The following SHPRH variants were observed in gnomAD, a reference collection of about 807,000 sequenced individuals.
The protein encoded by SHPRH is E3 ubiquitin-protein ligase SHPRH.
SHPRH carries 106 observed loss-of-function variants against 202.5 expected under a neutral mutation model. The ratio of observed to expected loss-of-function variants is 0.52; its 90% CI spans 0.45 to 0.62. SHPRH has a LOEUF of 0.62. Among genes scored for constraint, SHPRH ranks in the 20% least tolerant of loss-of-function variants. SHPRH has a pLI of 0.00. For synonymous variants in SHPRH, 729 were observed against 686.0 expected (o/e 1.06, Z -0.98); for missense variants, 1,710 against 2,020.0 (o/e 0.85, Z 2.94).
downstream of SHPRH, chr6:145,883,434 A>G (rs1316156639): frequency 6.6e-6 from 1 of 152,228 alleles, no homozygotes; most frequent in African/African-American, 2.4e-5. Flanking sequence ...TATTTTCTGT[A>G]TGTGATACTA....
At position 145,922,357 on chromosome 6, in the gene SHPRH, A is replaced by T; in HGVS notation, c.3720-9T>A. The T allele has an allele frequency of 1.3e-6, 2 of 1,558,292 alleles. No homozygotes were observed. Among genetic ancestry groups the T allele is most frequent in the Non-Finnish European group, 1.7e-6 (2 of 1,162,668 alleles). On this transcript the variant is annotated splice_polypyrimidine_tract_variant and intron_variant, in intron 19 of 29. Transcript: ENST00000275233. The stretch of plus-strand genomic sequence containing the variant: ...CTTTACAAAAGACACAGCTGAAAAA[A>T]AAGAGATTAACAGAAATATTCACAA...
At chr6:145,918,003 T>C (rs1784102119) in intron 23 of SHPRH, 128 bp downstream of exon 23, 1 of 568,626 alleles carries the variant, frequency 1.8e-6, no homozygotes, top group Admixed American at 3.6e-5. Flanking sequence ...GAGACATAGG[T>C]AGTGTTCTGA....
At position 145,922,745 on chromosome 6, in the gene SHPRH, T is replaced by C; in HGVS notation, c.3637A>G (p.Asn1213Asp). The change falls in exon 19 of 30, where the codon AAC becomes GAC. Residue 1213 changes from asparagine (N) to aspartate (D), a missense_variant. Transcript: ENST00000275233. ...CQKLVREAVK[N>D]LEGPPSRNVI... ...TTACGAGATGGAGGTCCCTCCAGGT[T>C]TTTTACAGCCTCTCTTACTAGCTTC... is the stretch of plus-strand genomic sequence containing the variant. The C allele has an allele frequency of 6.2e-7, 1 of 1,612,184 alleles. No homozygotes were observed. The highest frequency in any genetic ancestry group is 8.5e-7 in the Non-Finnish European group (1 of 1,178,844).
At chr6:145,876,029 A>T (rs190827014) in intron 2 of SHPRH, among the ~76,000 whole-genome samples, 115 of 152,334 alleles carry the variant, frequency 7.5e-4, no homozygotes, top group African/African-American at 2.7e-3. Context: ...ACACCATGAA[A>T]TTCAGCCATT....
intron 1 of SHPRH, among the ~76,000 whole-genome samples, chr6:145,957,186 C>T (rs1788591002): frequency 6.6e-6 from 1 of 151,808 alleles, no homozygotes; most frequent in African/African-American, 2.4e-5. Context: ...GCTTTACCTC[C>T]TAAAATGTAA....
chr6:145,910,488 G>A lies in SHPRH; in HGVS notation c.4475C>T (p.Thr1492Ile). 6.2e-7 allele frequency: 1 copy of A among 1,612,998 alleles called. No homozygotes were observed. The highest frequency in any genetic ancestry group is 8.5e-7 in the Non-Finnish European group (1 of 1,179,516). Residue 1492 changes from threonine (T) to isoleucine (I), a missense_variant, in exon 25 of 30, where the codon ACC becomes ATC. Physicochemically the swap from Thr to Ile is moderately conservative, Grantham distance 89. This residue lies in a region of SHPRH where 306 missense variants were observed against 479.5 expected (regional missense o/e 0.64). Transcript: ENST00000275233. ...CTCCTCCTGGTTTGCTTTCTCTGAG[G>A]TAAAGACATACGAGATTTCTTTGTG... ...TSHKEISYVF[T>I]SEKANQEEDI...
chr6:145,858,457 C>CA, the SHPRH span, among the ~76,000 whole-genome samples: 1 of 151,518 alleles, frequency 6.6e-6, no homozygotes. Flanking sequence ...AAAGCCATAC[C>CA]AAAAAAAGTG....
intron 7 of SHPRH, among the ~76,000 whole-genome samples, 166 bp downstream of exon 7, chr6:145,946,067 T>A (rs1194928439): frequency 1.3e-5 from 2 of 152,124 alleles, no homozygotes; most frequent in African/African-American, 2.4e-5. Flanking sequence ...AATACATCTT[T>A]ACTTTTGTTA....
rs1311487249 is a variant in SHPRH, at chr6:145,922,426, T to C, written c.3720-78A>G. 14 of 1,453,684 alleles carry C rather than the reference T, an allele frequency of 9.6e-6. No homozygotes were observed. In the East Asian group the frequency reaches 3.3e-4, roughly 34 times the overall value. 90.0% of individuals were successfully genotyped at this position (1,453,684 alleles called of 1,614,324 possible). The stretch of plus-strand genomic sequence containing the variant: ...TAATTTTAAGGAGAAGCTTAATATT[T>C]TGACTTCATTTTTCTTTCCACTAGA... On this transcript the variant is annotated intron_variant, in intron 19 of 29. Transcript: ENST00000275233.
At chr6:145,867,619 TATATATATATATAGAG>T (rs1239297906) in intron 2 of SHPRH, among the ~76,000 whole-genome samples, 37 of 70,308 alleles carry the variant, frequency 5.3e-4, no homozygotes, top group African/African-American at 1.9e-3. Flanking sequence ...TATATATATA[TATATATATATATAGAG>T]AGAGAGAGAG....
intron 28 of SHPRH, among the ~76,000 whole-genome samples, chr6:145,889,166 G>T (rs1371892835): frequency 6.6e-6 from 1 of 152,148 alleles, no homozygotes; most frequent in Non-Finnish European, 1.5e-5. Flanking sequence ...ATATACACCT[G>T]AGAGTCATCA....
intron 1 of SHPRH, among the ~76,000 whole-genome samples, chr6:145,957,351 T>C (rs757288128): frequency 2.0e-5 from 3 of 152,064 alleles, no homozygotes; most frequent in African/African-American, 4.8e-5. Flanking sequence ...TGTAAGAATA[T>C]GATAAACTAA....
intron 14 of SHPRH, among the ~76,000 whole-genome samples, chr6:145,927,554 A>G (rs1784992639): frequency 6.6e-6 from 1 of 151,736 alleles, no homozygotes; most frequent in Non-Finnish European, 1.5e-5. Context: ...AAACGTTTGT[A>G]ATGTTTTGAG....
At chr6:145,923,373 A>C (rs1249933052) in intron 18 of SHPRH, among the ~76,000 whole-genome samples, 1 of 151,880 alleles carries the variant, frequency 6.6e-6, no homozygotes, top group East Asian at 1.9e-4. Flanking sequence ...ATAGTTACTA[A>C]TGTGCTCACA....
chr6:145,908,670 G>T (rs747643666), intron 25 of SHPRH: 4 of 152,024 alleles, frequency 2.6e-5, no homozygotes, highest in Non-Finnish European at 5.9e-5. Context: ...TCTGTCAGAT[G>T]GGTTGATTGC....
intron 4 of SHPRH, among the ~76,000 whole-genome samples, chr6:145,948,925 AC>A (rs1326110576): frequency 5.3e-5 from 8 of 152,032 alleles, no homozygotes; most frequent in Admixed American, 2.0e-4. Context: ...ACTTATTTAA[AC>A]CAACTGCCAA....
rs1040428101 is a variant in SHPRH, at chr6:145,878,680, G to C, written c.221+9340C>G. 5.3e-5 allele frequency among the ~76,000 whole-genome samples: 8 copies of C among 152,286 alleles called. No individual in the cohort carries two copies. In the South Asian group the frequency reaches 1.7e-3, roughly 32 times the overall value. ...CTCCCTGCCAAGGAGGAAAACCCAT[G>C]ACTTTTGTCTACTATGAGAAAAACG... is the stretch of plus-strand genomic sequence containing the variant. On this transcript the variant is annotated intron_variant, in intron 2 of 2. Transcript: ENST00000417762.
chr6:145,918,276 A>C, intron 22 of SHPRH, 44 bp from the exon 23 acceptor site: 1 of 1,270,166 alleles, frequency 7.9e-7, no homozygotes, highest in Non-Finnish European at 1.1e-6. Context: ...TTTCAGAAAG[A>C]CAGTTAAATT....
intron 27 of SHPRH, 33 bp from the exon 28 acceptor site, chr6:145,893,426 C>A: frequency 6.5e-7 from 1 of 1,534,786 alleles, no homozygotes; most frequent in Non-Finnish European, 8.8e-7. Flanking sequence ...AATTTTAGCT[C>A]GATCAGTTAA....
Sources: gnomAD v4.1 joint callset for allele counts (sites outside exome capture counted in the v4.1 genomes callset) on GRCh38, gnomAD v4.1.1 for gene constraint, gnomAD v4.1.1 regional missense constraint, MANE v1.5 for transcripts, NCBI Gene and HGNC (gene_info 2026-07-23, HGNC 2026-07-21) for gene names.